The following ITGAD variants were observed in gnomAD, a reference collection of about 807,000 sequenced individuals.
ITGAD encodes integrin subunit alpha D.
ITGAD carries 105 observed loss-of-function variants against 139.0 expected under a neutral mutation model. The ratio of observed to expected loss-of-function variants is 0.76; its 90% CI spans 0.65 to 0.89. The LOEUF (loss-of-function observed/expected upper bound fraction) is 0.89, where lower values mean the gene tolerates loss of function less well. Ranked by LOEUF, ITGAD falls within the 40% of genes least tolerant of loss-of-function variation. The pLI is 0.00. For synonymous variants in ITGAD, 569 were observed against 598.3 expected (o/e 0.95, Z 0.71); for missense variants, 1,384 against 1,487.3 (o/e 0.93, Z 1.14).
At chr16:31,405,978 G>A (rs2081530315) in intron 7 of ITGAD, among the ~76,000 whole-genome samples, 1 of 152,000 alleles carries the variant, frequency 6.6e-6, no homozygotes, top group Non-Finnish European at 1.5e-5. Context: ...CCCCAGTGTT[G>A]GATATTTGGG....
chr16:31,403,373 C>T lies in ITGAD; in HGVS notation c.559-127C>T. The T allele has an allele frequency of 9.0e-7, 1 of 1,107,476 alleles. No homozygotes were observed. The highest frequency in any genetic ancestry group is 1.3e-6 in the Non-Finnish European group (1 of 764,158). 68.6% of individuals were successfully genotyped at this position (1,107,476 alleles called of 1,614,324 possible). A position where few individuals can be genotyped will look rare whatever the true frequency, so the allele number is the denominator to read the frequency against. On this transcript the variant is annotated intron_variant, in intron 6 of 29. Coordinates refer to ENST00000389202, the MANE Select transcript of ITGAD (RefSeq NM_005353.3). The surrounding 1 kb of genome is among the most constrained non-coding windows in gnomAD (Gnocchi z 4.4). ...TGACGTGTGCCTGTAGTTCCAGCTA[C>T]TTGGAGGCTGAGGCAGGAGGATCAC... is the stretch of plus-strand genomic sequence containing the variant.
Position 31,411,180 on chromosome 16 carries a change from A to G in ITGAD, c.1461A>G (p.Arg487=). The G allele has an allele frequency of 6.2e-7, 1 of 1,613,604 alleles. No individual in the cohort carries two copies. The highest frequency in any genetic ancestry group is 8.5e-7 in the Non-Finnish European group (1 of 1,179,838). ...CCCCCCATTACTATGAGCAGACCCG[A>G]GGGGGCCAGGTGTCCGTGTGTCCCT... ...IGAPHYYEQT[R]GGQVSVCPLP... Residue 487 remains arginine, a synonymous_variant, in exon 13 of 30, where the codon CGA becomes CGG. Coordinates refer to ENST00000389202, the MANE Select transcript of ITGAD (RefSeq NM_005353.3).
In ITGAD at chr16:31,409,001, GAT is replaced by G. The variant is rs763479170; in HGVS notation, c.1083+504_1083+505del. Among the ~76,000 whole-genome samples, 7 of 152,210 alleles carry G rather than the reference GAT, an allele frequency of 4.6e-5. No individual in the cohort carries two copies. In the East Asian group the frequency reaches 9.7e-4, roughly 21 times the overall value. Reference sequence around the variant, plus strand: ...TTTGGAAGTGCGTGTGTGTTCAAAGGATCCAGATGGGGCCGGTCACTGTGGCT... The same window carrying G: ...TTTGGAAGTGCGTGTGTGTTCAAAGGCCAGATGGGGCCGGTCACTGTGGCT... On this transcript the variant is annotated intron_variant, in intron 10 of 29. Transcript: ENST00000389202.
At chr16:31,412,728 C>A in intron 14 of ITGAD, 110 bp from the exon 15 acceptor site, 1 of 1,366,758 alleles carries the variant, frequency 7.3e-7, no homozygotes, top group Non-Finnish European at 1.0e-6. Flanking sequence ...GTTCACAGCT[C>A]ACCCCTTCTC....
rs371937902 is a variant in ITGAD at position 31,423,969 on chromosome 16, G to T, written c.3159+11G>T. 8.1e-6 allele frequency: 13 copies of T among 1,613,510 alleles called. No individual in the cohort carries two copies. In the South Asian group the frequency reaches 9.9e-5, roughly 12 times the overall value. ...GGCTGGGTCCGCGAGGTGTGTGGGG[G>T]CAGCGGCAGAGCCCCTGCCCCAGAC... On this transcript the variant is annotated intron_variant, in intron 27 of 29. Transcript: ENST00000389202.
At chr16:31,424,650 T>C in intron 29 of ITGAD, 73 bp downstream of exon 29, 1 of 991,212 alleles carries the variant, frequency 1.0e-6, no homozygotes, top group Non-Finnish European at 1.5e-6. Context: ...CAGGCTGGAG[T>C]GCAATGGCAT....
chr16:31,394,185 G>A (rs1567317941), intron 1 of ITGAD, 51 bp from the exon 2 acceptor site: 3 of 1,170,478 alleles, frequency 2.6e-6, no homozygotes, highest in Non-Finnish European at 3.8e-6. Context: ...AGGTCCTAGG[G>A]ATTGGGGCTT....
At position 31,397,618 on chromosome 16, in the gene ITGAD, G is replaced by A. The variant is rs2081299727; in HGVS notation, c.264G>A (p.Met88Ile). 6 of 1,604,770 alleles carry A rather than the reference G, an allele frequency of 3.7e-6. No homozygotes were observed. Among genetic ancestry groups the A allele is most frequent in the Non-Finnish European group, 5.1e-6 (6 of 1,179,742 alleles). The change falls in exon 4 of 30, where the codon ATG (methionine) becomes ATA (isoleucine). Residue 88 changes from methionine (M) to isoleucine (I), a missense_variant. Physicochemically the swap from Met to Ile is conservative, Grantham distance 10. Transcript: ENST00000389202. ...PLHIRPEAVN[M>I]SLGLTLAAST... is the part of the protein sequence containing the mutation. ...CAGTCCGCCCTGAGGCCGTGAACATGTCCTTGGGCCTGACCCTGGCAGCCT... is the reference window on the plus strand; with the variant it reads ...CAGTCCGCCCTGAGGCCGTGAACATATCCTTGGGCCTGACCCTGGCAGCCT...
intron 14 of ITGAD, among the ~76,000 whole-genome samples, chr16:31,412,072 T>C (rs1433230433): frequency 6.6e-6 from 1 of 150,876 alleles, no homozygotes; most frequent in Non-Finnish European, 1.5e-5. Context: ...TTGCTTTTTT[T>C]TTTTCTTTTT....
At chr16:31,423,999 G>A in intron 27 of ITGAD, 41 bp downstream of exon 27, 1 of 1,610,132 alleles carries the variant, frequency 6.2e-7, no homozygotes, top group Non-Finnish European at 8.5e-7. Context: ...CCAGACTCAG[G>A]CAGGACCTGG....
At chr16:31,402,460 A>G (rs1004848913) in intron 6 of ITGAD, 1 of 403,328 alleles carries the variant, frequency 2.5e-6, no homozygotes, top group African/African-American at 2.0e-5. Context: ...AGGAAATACA[A>G]TGTTTCTGCT....
Position 31,403,536 on chromosome 16 carries a change from C to T in ITGAD, c.595C>T (p.His199Tyr). Reference sequence around the variant, plus strand: ...GCAGTACTCAAACCTCCTGAAGATCCACTTCACCTTCACCCAATTCCGGAC... The same window carrying T: ...GCAGTACTCAAACCTCCTGAAGATCTACTTCACCTTCACCCAATTCCGGAC... ...LMQYSNLLKI[H>Y]FTFTQFRTSP... The change falls in exon 7 of 30, where the codon CAC (histidine) becomes TAC (tyrosine). Residue 199 changes from histidine to tyrosine, a missense_variant. By Grantham distance (83) the His-to-Tyr change is moderately conservative. Transcript: ENST00000389202. This position sits in a 1 kb window ranked among gnomAD's most constrained non-coding sequence, Gnocchi z 4.4. The T allele has an allele frequency of 6.2e-7, 1 of 1,614,202 alleles. No individual in the cohort carries two copies. The highest frequency in any genetic ancestry group is 8.5e-7 in the Non-Finnish European group (1 of 1,180,044).
chr16:31,426,379 C>T lies in ITGAD; in HGVS notation c.*251C>T, dbSNP rs2082115918. ...ATTTTCATATGCTTAAGAATTGTCA[C>T]ATGAAATGAGGATGTTTATAGCACA... On this transcript the variant is annotated 3_prime_UTR_variant, in exon 30 of 30. Coordinates refer to ENST00000389202, the MANE Select transcript of ITGAD (RefSeq NM_005353.3). 1 of 427,134 alleles carries T rather than the reference C, an allele frequency of 2.3e-6. No individual in the cohort carries two copies. The highest frequency in any genetic ancestry group is 4.3e-6 in the Non-Finnish European group (1 of 233,218). The allele number at this position is 427,134 out of a possible 1,614,324, so 26.5% of individuals were successfully genotyped here.
chr16:31,396,893 G>C (rs13339313), intron 2 of ITGAD, among the ~76,000 whole-genome samples: 5,944 of 152,042 alleles, frequency 0.039, 394 homozygotes, highest in African/African-American at 0.13. Flanking sequence ...ATTTAAATTG[G>C]TCCAATGAAT....
chr16:31,410,771 C>T lies in ITGAD; in HGVS notation c.1249C>T (p.Gln417Ter), dbSNP rs1175013257. 1.2e-6 allele frequency: 2 copies of T among 1,613,346 alleles called. No individual in the cohort carries two copies. Among genetic ancestry groups the T allele is most frequent in the Non-Finnish European group, 1.7e-6 (2 of 1,179,838 alleles). Reference sequence around the variant, plus strand: ...CGAGCTAGCCCTGTGGAAGGGGGTACAGAACCTGGTCCTGGGGGCCCCCCG... The same window carrying T: ...CGAGCTAGCCCTGTGGAAGGGGGTATAGAACCTGGTCCTGGGGGCCCCCCG... ...STELALWKGV[Q>*]NLVLGAPRYQ... Residue 417 changes from glutamine (Q) to a stop codon, truncating the protein, a stop_gained, in exon 12 of 30, where the codon CAG (glutamine) becomes TAG (stop). Transcript: ENST00000389202. LOFTEE classifies it high-confidence loss of function.
In ITGAD at chr16:31,403,814, C is replaced by A; in HGVS notation, c.704+169C>A. On this transcript the variant is annotated intron_variant, in intron 7 of 29. Coordinates refer to ENST00000389202, the MANE Select transcript of ITGAD (RefSeq NM_005353.3). The surrounding 1 kb of genome is among the most constrained non-coding windows in gnomAD (Gnocchi z 4.4). Reference sequence around the variant, plus strand: ...CCCCCCGGGGTGCTCCTGGTTGCCTCGCTGCCAGTCTCCCTGATATAGGAC... The same window carrying A: ...CCCCCCGGGGTGCTCCTGGTTGCCTAGCTGCCAGTCTCCCTGATATAGGAC... The A allele has an allele frequency of 1.4e-6, 1 of 709,426 alleles. No homozygotes were observed. The highest frequency in any genetic ancestry group is 2.3e-6 in the Non-Finnish European group (1 of 433,416). 43.9% of individuals were successfully genotyped at this position (709,426 alleles called of 1,614,324 possible).
intron 6 of ITGAD, chr16:31,402,879 T>A (rs1370635552): frequency 6.6e-6 from 1 of 152,342 alleles, no homozygotes; most frequent in Admixed American, 6.5e-5. Flanking sequence ...GTGCTGGGAT[T>A]ACAGGCATGA....
intron 9 of ITGAD, 82 bp downstream of exon 9, chr16:31,407,998 A>G: frequency 7.1e-7 from 1 of 1,399,380 alleles, no homozygotes; most frequent in Non-Finnish European, 9.6e-7. Context: ...TTTGAGATGG[A>G]GTCTCACTTT....
At position 31,418,545 on chromosome 16, in the gene ITGAD, G is replaced by C. The variant is rs778604123; in HGVS notation, c.2761G>C (p.Val921Leu). The C allele has an allele frequency of 2.5e-6, 4 of 1,613,834 alleles. No individual in the cohort carries two copies. The African/African-American group carries it at 5.3e-5, about 22-fold the overall frequency. The change falls in exon 23 of 30, where the codon GTC (valine) becomes CTC (leucine). Residue 921 changes from valine to leucine, a missense_variant. Physicochemically the swap from Val to Leu is conservative, Grantham distance 32. Transcript: ENST00000389202. ...GCTGGAGCTCCCGGTGAAGTATGCA[G>C]TCTACACCATGATCAGCAGGTGCCC... is the stretch of plus-strand genomic sequence containing the variant. Reference protein sequence around the residue: ...FQLELPVKYAVYTMISRQEES... With the variant: ...FQLELPVKYALYTMISRQEES...
Sources: allele counts gnomAD v4.1 joint callset (sites outside exome capture counted in the v4.1 genomes callset), GRCh38; gene constraint gnomAD v4.1.1; non-coding constraint Gnocchi (gnomAD v3.1); transcripts MANE v1.5; gene names NCBI Gene and HGNC (gene_info 2026-07-23, HGNC 2026-07-21).